RASSF5: variants seen among roughly 807,000 people sequenced by gnomAD.
RASSF5 encodes the protein Ras association domain family member 5.
In RASSF5, 25 loss-of-function variants were observed where a neutral mutation model predicts 40.5. The observed-to-expected ratio is 0.62, with a 90% confidence interval of 0.45 to 0.86. The LOEUF (loss-of-function observed/expected upper bound fraction) is 0.86, where lower values mean the gene tolerates loss of function less well. Ranked by LOEUF, RASSF5 falls within the 40% of genes least tolerant of loss-of-function variation. RASSF5 has a pLI of 0.00. For synonymous variants in RASSF5, 246 were observed against 252.4 expected (o/e 0.97, Z 0.24); for missense variants, 521 against 572.8 (o/e 0.91, Z 0.92).
At chr1:206,570,957 G>A (rs191459892) in intron 2 of RASSF5, among the ~76,000 whole-genome samples, 1 of 152,274 alleles carries the variant, frequency 6.6e-6, no homozygotes, top group Non-Finnish European at 1.5e-5. Context: ...ATACCCAGAA[G>A]TGTAATTGCT....
At chr1:206,519,157 C>T (rs72755003) in intron 1 of RASSF5, among the ~76,000 whole-genome samples, 2 of 152,100 alleles carry the variant, frequency 1.3e-5, no homozygotes, top group African/African-American at 4.8e-5. Flanking sequence ...GATAACTGGA[C>T]GGCATAGCGG....
chr1:206,523,683 ATATAT>A (rs1428954784), intron 1 of RASSF5, among the ~76,000 whole-genome samples: 1 of 83,642 alleles, frequency 1.2e-5, no homozygotes, highest in Non-Finnish European at 2.1e-5. Context: ...TTATATATAA[ATATAT>A]TATATATAAT....
At chr1:206,517,783 C>T (rs1178503762) in intron 1 of RASSF5, among the ~76,000 whole-genome samples, 5 of 152,208 alleles carry the variant, frequency 3.3e-5, no homozygotes, top group Non-Finnish European at 7.3e-5. Flanking sequence ...TTTCTCACCA[C>T]CCCACACCCA....
At chr1:206,528,306 G>GA (rs560547857) in intron 1 of RASSF5, among the ~76,000 whole-genome samples, 18 of 152,212 alleles carry the variant, frequency 1.2e-4, no homozygotes, top group African/African-American at 4.1e-4. Context: ...GAGCCAGTCT[G>GA]AAAATTGGCT....
At chr1:206,540,857 AG>A (rs1200700168) in intron 2 of RASSF5, among the ~76,000 whole-genome samples, 2 of 151,962 alleles carry the variant, frequency 1.3e-5, no homozygotes, top group Non-Finnish European at 2.9e-5. Flanking sequence ...TATATGGCTT[AG>A]GGGGGTCTCG....
chr1:206,585,857 A>G (rs1669091941), intron 5 of RASSF5: 1 of 152,338 alleles, frequency 6.6e-6, no homozygotes. Context: ...AGTTTTAAGG[A>G]GTTTTGGGAG....
rs1360035908 is a variant in RASSF5 at position 206,524,028 on chromosome 1, C to A, written c.458-14144C>A. On this transcript the variant is annotated intron_variant, in intron 1 of 5. Coordinates refer to ENST00000579436, the MANE Select transcript of RASSF5 (RefSeq NM_182663.4). Reference sequence around the variant, plus strand: ...GTATATTTTATATATAATAGGTATACCATATATAATATATTTTATATATAA... The same window carrying A: ...GTATATTTTATATATAATAGGTATAACATATATAATATATTTTATATATAA... Among the ~76,000 whole-genome samples, 4 of 106,584 alleles carry A rather than the reference C, an allele frequency of 3.8e-5. No homozygotes were observed. In the South Asian group the frequency reaches 1.1e-3, roughly 29 times the overall value. 69.9% of individuals were successfully genotyped at this position (106,584 alleles called of 152,430 possible).
chr1:206,534,049 C>T lies in RASSF5; in HGVS notation c.458-4123C>T, dbSNP rs11118981. ...TATTTCAGAGCGGGCCTGGCCCAGCCAACACTTGATTTCAAGCTAGCCTCC... is the reference window on the plus strand; with the variant it reads ...TATTTCAGAGCGGGCCTGGCCCAGCTAACACTTGATTTCAAGCTAGCCTCC... On this transcript the variant is annotated intron_variant, in intron 1 of 5. Coordinates refer to ENST00000579436, the MANE Select transcript of RASSF5 (RefSeq NM_182663.4). Among the ~76,000 whole-genome samples, 1,435 of 152,226 alleles carry T rather than the reference C, an allele frequency of 9.4e-3. 22 individuals carry two copies. Among genetic ancestry groups the T allele is most frequent in the African/African-American group, 0.033 (1,374 of 41,528 alleles).
At chr1:206,585,039 G>A (rs1019812903) in intron 4 of RASSF5, 141 bp from the exon 5 acceptor site, 6 of 685,770 alleles carry the variant, frequency 8.7e-6, no homozygotes, top group Non-Finnish European at 1.0e-5. Flanking sequence ...GTTCATTACT[G>A]TCATGTTCAT....
intron 2 of RASSF5, among the ~76,000 whole-genome samples, chr1:206,559,893 G>A (rs1234185362): frequency 1.3e-5 from 2 of 152,164 alleles, no homozygotes; most frequent in African/African-American, 4.8e-5. Context: ...GGAGGGTGAG[G>A]CAGGCTGAGC....
intron 1 of RASSF5, among the ~76,000 whole-genome samples, chr1:206,523,336 T>TTTATATA (rs1294312020): frequency 1.5e-5 from 2 of 131,816 alleles, no homozygotes; most frequent in Non-Finnish European, 3.1e-5. Context: ...ATAAAATATA[T>TTTATATA]TTATATATTA....
intron 2 of RASSF5, among the ~76,000 whole-genome samples, chr1:206,567,714 G>C (rs73080950): frequency 6.6e-6 from 1 of 152,106 alleles, no homozygotes; most frequent in Non-Finnish European, 1.5e-5. Flanking sequence ...GTGTGTGGAG[G>C]TATAAGGCTG....
intron 2 of RASSF5, among the ~76,000 whole-genome samples, chr1:206,547,890 C>T (rs906753852): frequency 3.3e-5 from 5 of 152,058 alleles, no homozygotes; most frequent in Non-Finnish European, 7.4e-5. Flanking sequence ...AGGTTTCCAT[C>T]CGATATCATT....
rs1667132375 is a variant in RASSF5 at position 206,527,701 on chromosome 1, C to A, written c.458-10471C>A. On this transcript the variant is annotated intron_variant, in intron 1 of 5. Coordinates refer to ENST00000579436, the MANE Select transcript of RASSF5 (RefSeq NM_182663.4). ...CCTCAGGTGGGGTACTCTCCCTGCT[C>A]CCTGCTAGGACAGAGGAAAAAGCAC... Among the ~76,000 whole-genome samples the A allele has an allele frequency of 3.9e-5, 6 of 152,128 alleles. No homozygotes were observed. In the South Asian group the frequency reaches 1.2e-3, roughly 32 times the overall value.
intron 1 of RASSF5, among the ~76,000 whole-genome samples, chr1:206,511,064 G>T (rs1418892565): frequency 6.6e-6 from 1 of 152,218 alleles, no homozygotes. Context: ...TTCAAGGTCT[G>T]TAACCAACCT....
At chr1:206,525,259 C>G (rs1158106537) in intron 1 of RASSF5, among the ~76,000 whole-genome samples, 1 of 152,130 alleles carries the variant, frequency 6.6e-6, no homozygotes, top group African/African-American at 2.4e-5. Flanking sequence ...GGATGGTGCC[C>G]CTGCAGGCCA....
rs192901973 is a variant in RASSF5 at position 206,584,074 on chromosome 1, C to A, written c.691-313C>A. On this transcript the variant is annotated intron_variant, in intron 3 of 5. Transcript: ENST00000579436. The surrounding 1 kb of genome is among the most constrained non-coding windows in gnomAD (Gnocchi z 4.9). The stretch of plus-strand genomic sequence containing the variant: ...TACAAACTAGAGTGGCTACCCCACA[C>A]CCTGCCTCTTACAATGGGCACTCAC... Among the ~76,000 whole-genome samples the A allele has an allele frequency of 3.0e-3, 451 of 152,286 alleles. 3 individuals are homozygous for A. Among genetic ancestry groups the A allele is most frequent in the Non-Finnish European group, 3.1e-3 (208 of 68,018 alleles).
chr1:206,558,696 C>T (rs780966464), intron 2 of RASSF5, among the ~76,000 whole-genome samples: 44 of 152,190 alleles, frequency 2.9e-4, no homozygotes, highest in Non-Finnish European at 5.4e-4. Context: ...GGCAAATATA[C>T]TGTACCTTCC....
At position 206,552,931 on chromosome 1, in the gene RASSF5, C is replaced by T. The variant is rs782226008; in HGVS notation, c.579+14638C>T. ...AGAAAGTGCTCAGTAAGGCTGGGCG[C>T]GGTGGCTCACACCTGTAATCCCAGC... is the stretch of plus-strand genomic sequence containing the variant. On this transcript the variant is annotated intron_variant, in intron 2 of 5. Coordinates refer to ENST00000579436, the MANE Select transcript of RASSF5 (RefSeq NM_182663.4). This position sits in a 1 kb window ranked among gnomAD's most constrained non-coding sequence, Gnocchi z 4.1. 3.3e-5 allele frequency among the ~76,000 whole-genome samples: 5 copies of T among 152,104 alleles called. No homozygotes were observed. Among genetic ancestry groups the T allele is most frequent in the Non-Finnish European group, 5.9e-5 (4 of 68,024 alleles).
Sources: gnomAD v4.1 joint callset for allele counts (sites outside exome capture counted in the v4.1 genomes callset) on GRCh38, gnomAD v4.1.1 for gene constraint, Gnocchi (gnomAD v3.1) non-coding constraint, MANE v1.5 for transcripts, NCBI Gene and HGNC (gene_info 2026-07-23, HGNC 2026-07-21) for gene names.